The following FAT3 variants were observed in gnomAD, a reference collection of about 807,000 sequenced individuals.
The protein encoded by FAT3 is protocadherin Fat 3.
A neutral mutation model predicts 310.2 loss-of-function variants in FAT3; 95 were observed. The observed-to-expected ratio is 0.31, with a 90% confidence interval of 0.26 to 0.36. The LOEUF (loss-of-function observed/expected upper bound fraction) is 0.36, where lower values mean the gene tolerates loss of function less well. FAT3 is among the 10% of genes least tolerant of loss of function. FAT3 has a pLI of 1.00. For synonymous variants in FAT3, 2,314 were observed against 2,192.9 expected, an observed-to-expected ratio of 1.06 and a Z score of -1.54; for missense variants, 5,408 against 5,715.6, an observed-to-expected ratio of 0.95 and a Z score of 1.74.
intron 13 of FAT3, among the ~76,000 whole-genome samples, chr11:92,812,144 C>T (rs1270052111): frequency 1.3e-5 from 2 of 152,188 alleles, no homozygotes; most frequent in East Asian, 1.9e-4. Flanking sequence ...AGAACACTTA[C>T]TGCCTCAAAA....
intron 2 of FAT3, among the ~76,000 whole-genome samples, chr11:92,446,384 C>T (rs1039857049): frequency 6.6e-5 from 10 of 152,108 alleles, no homozygotes; most frequent in African/African-American, 2.4e-4. Flanking sequence ...CCCTTTGACT[C>T]CTCAGCTCAA....
chr11:92,750,888 C>G (rs1440931990), intron 4 of FAT3, among the ~76,000 whole-genome samples: 1 of 152,214 alleles, frequency 6.6e-6, no homozygotes, highest in East Asian at 1.9e-4. Flanking sequence ...TACGCCTAGA[C>G]AGTGGCAGAT....
At position 92,800,227 on chromosome 11, in the gene FAT3, A is replaced by C. The variant is rs1441563243; in HGVS notation, c.7214A>C (p.Glu2405Ala). 6.2e-7 allele frequency: 1 copy of C among 1,614,012 alleles called. No homozygotes were observed. The highest frequency in any genetic ancestry group is 1.7e-5 in the Admixed American group (1 of 60,030). Residue 2405 changes from glutamate to alanine, a missense_variant, in exon 10 of 28, where the codon GAA becomes GCA. By Grantham distance (107) the Glu-to-Ala change is moderately radical (BLOSUM62 -1). Transcript: ENST00000525166. ...NQLIYESYVS[E>A]LAPRGHFVTC... is the part of the protein sequence containing the mutation. ...CTCATTTATGAGTCATATGTGAGTG[A>C]ATTAGCCCCCCGGGGCCATTTTGTA...
chr11:92,323,702 C>G, intron 1 of FAT3, among the ~76,000 whole-genome samples: 1 of 150,362 alleles, frequency 6.7e-6, no homozygotes, highest in Non-Finnish European at 1.5e-5. Context: ...AGTGAACAAG[C>G]AGAGTAGATT....
chr11:92,313,644 C>T (rs536624386), intron 1 of FAT3, among the ~76,000 whole-genome samples: 1 of 152,312 alleles, frequency 6.6e-6, no homozygotes, highest in Non-Finnish European at 1.5e-5. Flanking sequence ...ACTGCAACCT[C>T]CGCCTCCTGG....
intron 1 of FAT3, among the ~76,000 whole-genome samples, chr11:92,272,628 A>C (rs1211777851): frequency 6.6e-6 from 1 of 151,992 alleles, no homozygotes; most frequent in Non-Finnish European, 1.5e-5. Context: ...AGGATGGGAG[A>C]GAATGAAGAG....
At position 92,800,612 on chromosome 11, in the gene FAT3, T is replaced by C. The variant is rs1318975806; in HGVS notation, c.7599T>C (p.Tyr2533=). 2.5e-6 allele frequency: 4 copies of C among 1,613,642 alleles called. No homozygotes were observed. Among genetic ancestry groups the C allele is most frequent in the Non-Finnish European group, 3.4e-6 (4 of 1,179,830 alleles). Residue 2533 remains tyrosine (Y), a synonymous_variant, in exon 10 of 28, where the codon TAT becomes TAC. Transcript: ENST00000525166. ...GDPGTYGQIS[Y]AIINDFAKDR... ...CAGGGACTTATGGGCAGATCAGCTA[T>C]GCCATCATCAATGACTTTGCCAAGG...
rs535695858 is a variant in FAT3 at position 92,633,927 on chromosome 11, C to G, written c.3608-63457C>G. Among the ~76,000 whole-genome samples the G allele has an allele frequency of 3.3e-5, 5 of 152,294 alleles. No homozygotes were observed. The South Asian group carries it at 1.0e-3, about 32-fold the overall frequency. ...ATCTGTTGTCTCTATGTACTGAGAA[C>G]TGTGCTAAGTGCTGTGGATACAGAT... On this transcript the variant is annotated intron_variant, in intron 3 of 27. Coordinates refer to ENST00000525166, the MANE Select transcript of FAT3 (RefSeq NM_001367949.2).
chr11:92,728,824 G>C (rs772819055), intron 4 of FAT3, among the ~76,000 whole-genome samples: 1 of 152,118 alleles, frequency 6.6e-6, no homozygotes, highest in African/African-American at 2.4e-5. Flanking sequence ...CCTCTTCCGA[G>C]TGTAACCTCA....
intron 3 of FAT3, among the ~76,000 whole-genome samples, chr11:92,552,142 C>T (rs1277280522): frequency 2.0e-5 from 3 of 152,126 alleles, no homozygotes; most frequent in African/African-American, 4.8e-5. Flanking sequence ...GCCCATACCC[C>T]GTGGTTGCAG....
At chr11:92,357,456 T>C (rs1948763827) in intron 2 of FAT3, among the ~76,000 whole-genome samples, 2 of 152,212 alleles carry the variant, frequency 1.3e-5, no homozygotes, top group Admixed American at 1.3e-4. Context: ...CAATAAAGTA[T>C]TAAACAGGTT....
rs781490955 is a variant in FAT3, at chr11:92,805,210, A to C, written c.8954A>C (p.Tyr2985Ser). 3 of 1,613,858 alleles carry C rather than the reference A, an allele frequency of 1.9e-6. No individual in the cohort carries two copies. The highest frequency in any genetic ancestry group is 2.2e-5 in the South Asian group (2 of 91,068). Residue 2985 changes from tyrosine to serine, a missense_variant, in exon 11 of 28, where the codon TAT (tyrosine) becomes TCT (serine). Physicochemically the swap from Tyr to Ser is moderately radical, Grantham distance 144. This residue lies in a region of FAT3 where 4,588 missense variants were observed against 4,809.8 expected (regional missense o/e 0.95). Transcript: ENST00000525166. ...CTGGTGCAAAGTGAGTGGAAGGTCT[A>C]TGTGAAGAGGCCTCTAGACAGAGAA... is the stretch of plus-strand genomic sequence containing the variant. ...LGLVQSEWKV[Y>S]VKRPLDREEQ...
At chr11:92,680,936 G>A (rs946177226) in intron 3 of FAT3, among the ~76,000 whole-genome samples, 1 of 152,172 alleles carries the variant, frequency 6.6e-6, no homozygotes, top group Non-Finnish European at 1.5e-5. Context: ...GAAACTTTTA[G>A]TGGTAGAGTC....
intron 7 of FAT3, among the ~76,000 whole-genome samples, chr11:92,775,055 T>C (rs904134965): frequency 1.8e-4 from 27 of 152,266 alleles, no homozygotes; most frequent in Admixed American, 7.2e-4. Flanking sequence ...GCATATGCTG[T>C]AACCCCTCTC....
At chr11:92,763,296 T>G (rs969761973) in intron 5 of FAT3, among the ~76,000 whole-genome samples, 6 of 152,142 alleles carry the variant, frequency 3.9e-5, no homozygotes, top group African/African-American at 1.2e-4. Context: ...CGTGGGCTCC[T>G]TGCTGTGCTC....
intron 3 of FAT3, among the ~76,000 whole-genome samples, chr11:92,565,270 T>C (rs1174352984): frequency 2.0e-5 from 3 of 151,368 alleles, no homozygotes; most frequent in African/African-American, 7.3e-5. Flanking sequence ...TCTACGCAAA[T>C]AAACTAGAAA....
intron 2 of FAT3, among the ~76,000 whole-genome samples, chr11:92,387,768 C>G (rs1949660070): frequency 6.6e-6 from 1 of 152,112 alleles, no homozygotes; most frequent in East Asian, 1.9e-4. Context: ...ATTGACACAT[C>G]AGGCAGAGCT....
At chr11:92,550,770 C>T (rs369915819) in intron 3 of FAT3, among the ~76,000 whole-genome samples, 1 of 142,114 alleles carries the variant, frequency 7.0e-6, no homozygotes, top group Non-Finnish European at 1.5e-5. Flanking sequence ...CCACATTTAT[C>T]TTTTTTTTTT....
chr11:92,452,069 A>G (rs1296900322), intron 2 of FAT3, among the ~76,000 whole-genome samples: 1 of 152,214 alleles, frequency 6.6e-6, no homozygotes. Flanking sequence ...AACACAATCC[A>G]TTAGGAAACA....
Sources: gnomAD v4.1 joint callset for allele counts (sites outside exome capture counted in the v4.1 genomes callset) on GRCh38, gnomAD v4.1.1 for gene constraint, gnomAD v4.1.1 regional missense constraint, MANE v1.5 for transcripts, NCBI Gene and HGNC (gene_info 2026-07-23, HGNC 2026-07-21) for gene names.